GRAMD1C: variants seen among roughly 807,000 people sequenced by gnomAD.
GRAMD1C encodes protein Aster-C.
In GRAMD1C, 89 loss-of-function variants were observed where a neutral mutation model predicts 97.8. That is an observed-to-expected ratio of 0.91 (90% confidence interval 0.77 to 1.09). GRAMD1C has a LOEUF of 1.09. Among genes scored for constraint, GRAMD1C ranks in the 50% least tolerant of loss-of-function variants. The pLI is 0.00. For missense variants in GRAMD1C, 740 were observed against 766.4 expected (o/e 0.97, Z 0.41); for synonymous variants, 256 against 267.0 (o/e 0.96, Z 0.40).
intron 15 of GRAMD1C, 132 bp from the exon 16 acceptor site, chr3:113,939,754 G>C: frequency 1.8e-6 from 1 of 555,564 alleles, no homozygotes; most frequent in South Asian, 2.5e-5. Context: ...AGGGATAATT[G>C]ATTTAAATAA....
At chr3:113,869,654 G>A (rs1934715660) in intron 3 of GRAMD1C, 63 bp downstream of exon 3, 2 of 736,922 alleles carry the variant, frequency 2.7e-6, no homozygotes, top group Non-Finnish European at 4.8e-6. Context: ...ACTGATAAGT[G>A]ACAGTATATG....
In GRAMD1C at chr3:113,878,613, C is replaced by T. The variant is rs543334342; in HGVS notation, c.459+2353C>T. On this transcript the variant is annotated intron_variant, in intron 5 of 17. Coordinates refer to ENST00000358160, the MANE Select transcript of GRAMD1C (RefSeq NM_017577.5). ...ATCCATCTAAAACATAAATTACAGG[C>T]GTGATTTATGTAATCACGTGATTTA... 5.3e-5 allele frequency among the ~76,000 whole-genome samples: 8 copies of T among 152,218 alleles called. No individual in the cohort carries two copies. In the South Asian group the frequency reaches 8.3e-4, roughly 16 times the overall value.
chr3:113,901,271 T>C (rs2107447280), intron 7 of GRAMD1C, 125 bp downstream of exon 7: 2 of 609,986 alleles, frequency 3.3e-6, no homozygotes, highest in South Asian at 3.7e-5. Context: ...CCTTTGTTCT[T>C]TGTGGTGGAA....
At chr3:113,874,891 G>A (rs1486464192) in intron 3 of GRAMD1C, among the ~76,000 whole-genome samples, 1 of 152,118 alleles carries the variant, frequency 6.6e-6, no homozygotes, top group African/African-American at 2.4e-5. Context: ...TGTGAATAAA[G>A]TAATCTTTAA....
chr3:113,864,220 C>T (rs907991067), intron 2 of GRAMD1C, among the ~76,000 whole-genome samples: 5 of 152,198 alleles, frequency 3.3e-5, no homozygotes, highest in African/African-American at 1.2e-4. Flanking sequence ...TCAAGTGATT[C>T]TCCCTGCCTC....
Position 113,909,080 on chromosome 3 carries a change from T to G in GRAMD1C, c.912T>G (p.Leu304=), listed in dbSNP as rs758051373. 1.4e-5 allele frequency: 22 copies of G among 1,554,688 alleles called. No homozygotes were observed. The highest frequency in any genetic ancestry group is 1.8e-5 in the Non-Finnish European group (21 of 1,152,106). Residue 304 remains leucine (L), a synonymous_variant, in exon 9 of 18, where the codon CTT becomes CTG. Transcript: ENST00000358160. ...KSLDLNKNEY[L]SLDKSSTSDS... The stretch of plus-strand genomic sequence containing the variant: ...TGGACTTGAATAAAAATGAATATCT[T>G]TCTCTGGACAAAAGCAGCACTTCAG...
chr3:113,926,625 C>T (rs760517785), intron 10 of GRAMD1C, among the ~76,000 whole-genome samples: 2 of 152,164 alleles, frequency 1.3e-5, no homozygotes, highest in African/African-American at 2.4e-5. Context: ...GGTTCTTTCT[C>T]ATCTGTATGG....
intron 17 of GRAMD1C, among the ~76,000 whole-genome samples, chr3:113,945,116 C>G (rs1020265402): frequency 6.6e-6 from 1 of 152,132 alleles, no homozygotes; most frequent in Non-Finnish European, 1.5e-5. Flanking sequence ...TTTAGGAAAA[C>G]GAGTCTGTCA....
intron 2 of GRAMD1C, among the ~76,000 whole-genome samples, chr3:113,854,665 A>T (rs1385889728): frequency 6.6e-6 from 1 of 152,214 alleles, no homozygotes; most frequent in Non-Finnish European, 1.5e-5. Flanking sequence ...GGTTGTTTAA[A>T]GAAGGGCCAA....
intron 6 of GRAMD1C, among the ~76,000 whole-genome samples, chr3:113,887,626 T>C (rs973995395): frequency 6.9e-6 from 1 of 144,902 alleles, no homozygotes; most frequent in African/African-American, 2.6e-5. Flanking sequence ...GAGAATGGCG[T>C]GAACCCAGGA....
At chr3:113,850,561 C>T (rs895558076) in intron 2 of GRAMD1C, 59 of 1,603,002 alleles carry the variant, frequency 3.7e-5, no homozygotes, top group African/African-American at 2.0e-4. Flanking sequence ...TGTTCCTTCA[C>T]GTAGCCTCAG....
chr3:113,881,332 A>G (rs1234519317), intron 5 of GRAMD1C, among the ~76,000 whole-genome samples: 2 of 151,942 alleles, frequency 1.3e-5, no homozygotes, highest in Admixed American at 6.6e-5. Context: ...TAATTTTTGT[A>G]TTTTTAGTAG....
chr3:113,910,546 G>T (rs1193355316), intron 9 of GRAMD1C, among the ~76,000 whole-genome samples: 2 of 152,160 alleles, frequency 1.3e-5, no homozygotes, highest in Non-Finnish European at 2.9e-5. Flanking sequence ...AATCCATTTT[G>T]TTTTGTATTG....
At chr3:113,894,248 A>ATATTATAATATC (rs1935847198) in intron 6 of GRAMD1C, among the ~76,000 whole-genome samples, 1 of 152,132 alleles carries the variant, frequency 6.6e-6, no homozygotes. Context: ...ATTATAATAT[A>ATATTATAATATC]GGCAGGATGT....
At chr3:113,912,692 C>A (rs1036620373) in intron 9 of GRAMD1C, among the ~76,000 whole-genome samples, 1 of 151,870 alleles carries the variant, frequency 6.6e-6, no homozygotes, top group Admixed American at 6.6e-5. Context: ...TATGATCACA[C>A]CATTGCACTC....
At chr3:113,837,298 G>C (rs568606857), upstream of GRAMD1C, among the ~76,000 whole-genome samples, 1 of 150,862 alleles carries the variant, frequency 6.6e-6, no homozygotes, top group African/African-American at 2.5e-5. Context: ...TAGCTGTTTG[G>C]TTGGGAACTC....
chr3:113,862,911 A>G (rs1934442738), intron 2 of GRAMD1C, among the ~76,000 whole-genome samples: 1 of 152,232 alleles, frequency 6.6e-6, no homozygotes, highest in African/African-American at 2.4e-5. Context: ...ACACCCATTC[A>G]GATGGCTGTA....
chr3:113,890,945 AT>A, intron 6 of GRAMD1C: 1 of 507,186 alleles, frequency 2.0e-6, no homozygotes, highest in Non-Finnish European at 3.5e-6. Flanking sequence ...GAAACACTGC[AT>A]TTACTGGCTG....
intron 2 of GRAMD1C, among the ~76,000 whole-genome samples, chr3:113,867,138 G>A (rs1934616198): frequency 6.6e-6 from 1 of 151,954 alleles, no homozygotes. Flanking sequence ...CCACCCTTAT[G>A]TCTTTTAAAG....
Sources: allele counts gnomAD v4.1 joint callset (sites outside exome capture counted in the v4.1 genomes callset), GRCh38; gene constraint gnomAD v4.1.1; transcripts MANE v1.5; gene names NCBI Gene and HGNC (gene_info 2026-07-23, HGNC 2026-07-21).